The following STOML1 variants were observed in gnomAD, a reference collection of about 807,000 sequenced individuals.
The protein encoded by STOML1 is stomatin like 1.
A neutral mutation model predicts 35.7 loss-of-function variants in STOML1; 27 were observed. The ratio of observed to expected loss-of-function variants is 0.76; its 90% confidence interval spans 0.56 to 1.04. The LOEUF (loss-of-function observed/expected upper bound fraction) is 1.04. Among genes scored for constraint, STOML1 ranks in the 50% least tolerant of loss-of-function variants. STOML1 has a pLI of 0.00. For missense variants in STOML1, 451 were observed against 527.1 expected, an observed-to-expected ratio of 0.86 and a Z score of 1.41; for synonymous variants, 219 against 227.9, an observed-to-expected ratio of 0.96 and a Z score of 0.35.
In STOML1 at chr15:73,992,140, C is replaced by T; in HGVS notation, c.84G>A (p.Ser28=). Residue 28 remains serine (S), a synonymous_variant, in exon 1 of 7, where the codon TCG becomes TCA. Coordinates refer to ENST00000541638, the MANE Select transcript of STOML1 (RefSeq NM_004809.5). ...GCTCCGGGGACAAGCAGCCCTTCTG[C>T]GAGCCCAGAAAGCCGAAGCTCGACT... ...FQQSSFGFLG[S]QKGCLSPERG... is the part of the protein sequence containing the mutation. The T allele has an allele frequency of 1.2e-6, 2 of 1,607,800 alleles. No homozygotes were observed. Among genetic ancestry groups the T allele is most frequent in the African/African-American group, 1.3e-5 (1 of 74,128 alleles).
chr15:73,992,620 C>T (rs956662606), upstream of STOML1, among the ~76,000 whole-genome samples: 2 of 152,148 alleles, frequency 1.3e-5, no homozygotes, highest in African/African-American at 4.8e-5. Context: ...CCATCCTGAG[C>T]AACATAGTGA....
rs2068971742 is a variant in STOML1, at chr15:73,982,432, G to A, written c.*1505C>T. ...CCTGGGACTCTAGGAAGGGGCCCTG[G>A]AAACCTGAACCTCAATGGCCATGGC... On this transcript the variant is annotated 3_prime_UTR_variant, in exon 7 of 7. Transcript: ENST00000541638. 2 of 152,958 alleles carry A rather than the reference G, an allele frequency of 1.3e-5. No individual in the cohort carries two copies. Among genetic ancestry groups the A allele is most frequent in the South Asian group, 4.1e-4 (2 of 4,850 alleles). The allele number at this position is 152,958 out of a possible 1,614,324, so 9.5% of individuals were successfully genotyped here. A position where few individuals can be genotyped will look rare whatever the true frequency, so the allele number is the denominator to read the frequency against.
At chr15:73,991,711 C>A in intron 1 of STOML1, 1 of 486,398 alleles carries the variant, frequency 2.1e-6, no homozygotes. Context: ...CTTCCATTTC[C>A]CTGCAGCAGG....
At chr15:73,994,534 T>C (rs2069378299), upstream of STOML1, 1 of 538,208 alleles carries the variant, frequency 1.9e-6, no homozygotes. Context: ...AGCTCTGCCC[T>C]ACCTCTCCCG....
In STOML1 at chr15:73,992,292, C is replaced by T; in HGVS notation, c.-69G>A. Reference sequence around the variant, plus strand: ...TCCCTGGCCAGTGGGCCCTACGCGGCCCCGCCCTCCTGGCTGCTGCTTCCG... The same window carrying T: ...TCCCTGGCCAGTGGGCCCTACGCGGTCCCGCCCTCCTGGCTGCTGCTTCCG... On this transcript the variant is annotated 5_prime_UTR_variant, in exon 1 of 7. Transcript: ENST00000541638. 1.3e-6 allele frequency: 2 copies of T among 1,491,376 alleles called. No individual in the cohort carries two copies. Among genetic ancestry groups the T allele is most frequent in the South Asian group, 1.4e-5 (1 of 74,054 alleles). 92.4% of individuals were successfully genotyped at this position (1,491,376 alleles called of 1,614,324 possible).
chr15:73,990,558 G>C (rs1028107618), intron 1 of STOML1, 101 bp from the exon 2 acceptor site: 17 of 1,117,174 alleles, frequency 1.5e-5, no homozygotes, highest in East Asian at 2.6e-5. Flanking sequence ...CCCTCGAGAG[G>C]CTCCTTCCTT....
Position 73,982,131 on chromosome 15 carries a change from G to C in STOML1, c.*1806C>G, listed in dbSNP as rs527881678. 6.6e-6 allele frequency: 1 copy of C among 152,456 alleles called. No individual in the cohort carries two copies. The highest frequency in any genetic ancestry group is 2.1e-4 in the South Asian group (1 of 4,834). 9.4% of individuals were successfully genotyped at this position (152,456 alleles called of 1,614,324 possible). A position where few individuals can be genotyped will look rare whatever the true frequency, so the allele number is the denominator to read the frequency against. On this transcript the variant is annotated 3_prime_UTR_variant, in exon 7 of 7. Coordinates refer to ENST00000541638, the MANE Select transcript of STOML1 (RefSeq NM_004809.5). ...CCTTCATATACTGTGTAATAGCAATGGAAGGAATCCACAGGTGAATGCTGA... is the reference window on the plus strand; with the variant it reads ...CCTTCATATACTGTGTAATAGCAATCGAAGGAATCCACAGGTGAATGCTGA...
At chr15:73,990,686 C>A in intron 1 of STOML1, 1 of 1,071,112 alleles carries the variant, frequency 9.3e-7, no homozygotes, top group South Asian at 1.4e-5. Flanking sequence ...TCCAACAACC[C>A]TCACAAGGCC....
chr15:73,991,315 A>G (rs1464132040), intron 1 of STOML1, among the ~76,000 whole-genome samples: 3 of 152,160 alleles, frequency 2.0e-5, no homozygotes, highest in African/African-American at 7.2e-5. Flanking sequence ...GGATGAGGTT[A>G]TTTGCCGCTT....
chr15:73,991,757 C>T (rs1030719915), intron 1 of STOML1: 4 of 539,492 alleles, frequency 7.4e-6, no homozygotes, highest in African/African-American at 1.9e-5. Flanking sequence ...TCTGCCTAGA[C>T]CTCGGTTTCT....
rs2069308279 is a variant in STOML1 at position 73,992,290 on chromosome 15, G to A, written c.-67C>T. Reference sequence around the variant, plus strand: ...CCTCCCTGGCCAGTGGGCCCTACGCGGCCCCGCCCTCCTGGCTGCTGCTTC... The same window carrying A: ...CCTCCCTGGCCAGTGGGCCCTACGCAGCCCCGCCCTCCTGGCTGCTGCTTC... On this transcript the variant is annotated 5_prime_UTR_variant, in exon 1 of 7. Coordinates refer to ENST00000541638, the MANE Select transcript of STOML1 (RefSeq NM_004809.5). 1 of 1,495,002 alleles carries A rather than the reference G, an allele frequency of 6.7e-7. No individual in the cohort carries two copies. The highest frequency in any genetic ancestry group is 2.8e-5 in the Admixed American group (1 of 35,670). The allele number at this position is 1,495,002 out of a possible 1,614,324, so 92.6% of individuals were successfully genotyped here.
Position 73,984,800 on chromosome 15 carries a change from G to A in STOML1, c.862C>T (p.Gln288Ter), listed in dbSNP as rs756220998. 6 of 1,614,154 alleles carry A rather than the reference G, an allele frequency of 3.7e-6. No individual in the cohort carries two copies. The highest frequency in any genetic ancestry group is 3.4e-6 in the Non-Finnish European group (4 of 1,180,032). The change falls in exon 6 of 7, where the codon CAG (glutamine) becomes TAG (stop). Residue 288 changes from glutamine (Q) to a stop codon, truncating the protein, a stop_gained. Coordinates refer to ENST00000541638, the MANE Select transcript of STOML1 (RefSeq NM_004809.5). LOFTEE classifies it high-confidence loss of function. The part of the protein sequence containing the change: ...PQVGARSSPK[Q>*]PLAEGLLTAL... ...GTCAGTAGCCCCTCCGCCAGAGGCT[G>A]CTTCGGACTGGACCTGGCACCAACT...
At chr15:73,992,372 C>T (rs1218442546), upstream of STOML1, 6 of 918,982 alleles carry the variant, frequency 6.5e-6, no homozygotes, top group South Asian at 7.3e-5. Context: ...GGAGGCCGGC[C>T]GGGGCCCGCT....
Position 73,988,460 on chromosome 15 carries a change from C to A in STOML1, c.594+139G>T, listed in dbSNP as rs572769097. On this transcript the variant is annotated intron_variant, in intron 4 of 6. Transcript: ENST00000541638. This position sits in a 1 kb window ranked among gnomAD's most constrained non-coding sequence, Gnocchi z 4.8. Reference sequence around the variant, plus strand: ...ACTCATGGCCCCACCCAGGCACTGGCTCTTCAAAGGTGGTTACACTATTGG... The same window carrying A: ...ACTCATGGCCCCACCCAGGCACTGGATCTTCAAAGGTGGTTACACTATTGG... The A allele has an allele frequency of 4.9e-6, 5 of 1,018,066 alleles. No homozygotes were observed. Among genetic ancestry groups the A allele is most frequent in the East Asian group, 5.3e-5 (2 of 38,088 alleles). 63.1% of individuals were successfully genotyped at this position (1,018,066 alleles called of 1,614,324 possible). A position where few individuals can be genotyped will look rare whatever the true frequency, so the allele number is the denominator to read the frequency against.
Position 73,988,661 on chromosome 15 carries a change from G to C in STOML1, c.532C>G (p.Leu178Val). The C allele has an allele frequency of 6.2e-7, 1 of 1,614,222 alleles. No individual in the cohort carries two copies. Among genetic ancestry groups the C allele is most frequent in the Non-Finnish European group, 8.5e-7 (1 of 1,180,042 alleles). ...MTAQNAMTKA[L>V]LKRPLREIQM... is the part of the protein sequence containing the mutation. ...ATCTCCCGCAGCGGCCTCTTGAGCA[G>C]GGCCTTGGTCATGGCGTTCTGGGCT... The change falls in exon 4 of 7, where the codon CTG (leucine) becomes GTG (valine). Residue 178 changes from leucine (L) to valine (V), a missense_variant. Leu to Val is a conservative substitution (Grantham distance 32). Coordinates refer to ENST00000541638, the MANE Select transcript of STOML1 (RefSeq NM_004809.5). The surrounding 1 kb of genome is among the most constrained non-coding windows in gnomAD (Gnocchi z 4.8).
At position 73,985,455 on chromosome 15, in the gene STOML1, G is replaced by C; in HGVS notation, c.653C>G (p.Ala218Gly). Reference protein sequence around the residue: ...WGLEVDRVELAVEAVLQPPQD... With the variant: ...WGLEVDRVELGVEAVLQPPQD... ...GGGCGGCTGGAGCACGGCCTCCACT[G>C]CCAGCTCCACGCGGTCTACCTCCAG... The change falls in exon 5 of 7, where the codon GCA becomes GGA. Residue 218 changes from alanine to glycine, a missense_variant. By Grantham distance (60) the Ala-to-Gly change is moderately conservative (BLOSUM62 0). Coordinates refer to ENST00000541638, the MANE Select transcript of STOML1 (RefSeq NM_004809.5). 2 of 1,542,864 alleles carry C rather than the reference G, an allele frequency of 1.3e-6. No homozygotes were observed.
chr15:73,989,178 A>G lies in STOML1; in HGVS notation c.320T>C (p.Leu107Pro). 9.3e-6 allele frequency: 15 copies of G among 1,613,226 alleles called. No homozygotes were observed. The highest frequency in any genetic ancestry group is 1.3e-5 in the Non-Finnish European group (15 of 1,179,566). ...CTGAAAGGAGTCAATGAAGGGCAAG[A>G]GCAGAACCATGCCAGGTCCCTGGGG... The part of the protein sequence containing the change: ...RTPQGPGMVL[L>P]LPFIDSFQRV... The change falls in exon 3 of 7, where the codon CTC (leucine) becomes CCC (proline). Residue 107 changes from leucine (L) to proline (P), a missense_variant. Leu to Pro is a moderately conservative substitution (Grantham distance 98). Transcript: ENST00000541638.
At chr15:73,985,212 C>T in intron 5 of STOML1, 106 bp downstream of exon 5, 1 of 1,314,502 alleles carries the variant, frequency 7.6e-7, no homozygotes, top group Non-Finnish European at 1.0e-6. Context: ...GTGGGCTGAA[C>T]ATCTGTGCAG....
rs1367342655 is a variant in STOML1, at chr15:73,990,783, C to T, written c.134-326G>A. The T allele has an allele frequency of 3.3e-6, 5 of 1,532,464 alleles. No homozygotes were observed. In the East Asian group the frequency reaches 1.2e-4, roughly 37 times the overall value. The allele number at this position is 1,532,464 out of a possible 1,614,324, so 94.9% of individuals were successfully genotyped here. On this transcript the variant is annotated intron_variant, in intron 1 of 6. Transcript: ENST00000541638. ...CTCACTGGACTGAGTAGGGGTCAATCCTCTCGTTTAATTTATATTGCCTAC... is the reference window on the plus strand; with the variant it reads ...CTCACTGGACTGAGTAGGGGTCAATTCTCTCGTTTAATTTATATTGCCTAC...
Sources: gnomAD v4.1 joint callset for allele counts (sites outside exome capture counted in the v4.1 genomes callset) on GRCh38, gnomAD v4.1.1 for gene constraint, Gnocchi (gnomAD v3.1) non-coding constraint, MANE v1.5 for transcripts, NCBI Gene and HGNC (gene_info 2026-07-23, HGNC 2026-07-21) for gene names.